Variants in SYNDIG1 observed in about 807,000 individuals in gnomAD.
SYNDIG1 encodes the protein synapse differentiation-inducing gene protein 1.
SYNDIG1 carries 9 observed loss-of-function variants against 19.4 expected under a neutral mutation model. The observed-to-expected ratio is 0.46, with a 90% CI of 0.28 to 0.81. The LOEUF is 0.81. Ranked by LOEUF, SYNDIG1 falls within the 30% of genes least tolerant of loss-of-function variation. The pLI is 0.12. For synonymous variants in SYNDIG1, 141 were observed against 145.9 expected (o/e 0.97, Z 0.24); for missense variants, 311 against 343.3 (o/e 0.91, Z 0.74).
intron 2 of SYNDIG1, among the ~76,000 whole-genome samples, chr20:24,567,637 C>T (rs181842747): frequency 2.6e-5 from 4 of 152,340 alleles, no homozygotes; most frequent in East Asian, 3.9e-4. Flanking sequence ...TTCCAAGCAC[C>T]GCTCCTCTAA....
At chr20:24,631,689 G>C (rs545473030) in intron 3 of SYNDIG1, among the ~76,000 whole-genome samples, 1 of 152,068 alleles carries the variant, frequency 6.6e-6, no homozygotes, top group Admixed American at 6.5e-5. Flanking sequence ...CAAACATATC[G>C]GAAAAATTTC....
chr20:24,653,476 CAGG>C (rs942436868), intron 3 of SYNDIG1, among the ~76,000 whole-genome samples: 7 of 152,160 alleles, frequency 4.6e-5, no homozygotes, highest in African/African-American at 1.7e-4. Flanking sequence ...TTAATCCCAG[CAGG>C]AGACCAGTCA....
chr20:24,595,340 C>G (rs998153385), intron 3 of SYNDIG1, among the ~76,000 whole-genome samples: 2 of 152,174 alleles, frequency 1.3e-5, no homozygotes, highest in Non-Finnish European at 2.9e-5. Flanking sequence ...TTGAACCAAC[C>G]TTGCATCCCA....
intron 2 of SYNDIG1, among the ~76,000 whole-genome samples, chr20:24,565,442 G>T (rs1053035847): frequency 6.6e-6 from 1 of 152,202 alleles, no homozygotes; most frequent in Non-Finnish European, 1.5e-5. Context: ...GGGACAGGAT[G>T]GGGGACGGGG....
chr20:24,474,926 C>T (rs938237122), intron 1 of SYNDIG1, among the ~76,000 whole-genome samples: 3 of 152,172 alleles, frequency 2.0e-5, no homozygotes, highest in African/African-American at 7.2e-5. Flanking sequence ...ATAATTAGAA[C>T]CACAAAAGTT....
chr20:24,620,587 T>G (rs2059023208), intron 3 of SYNDIG1, among the ~76,000 whole-genome samples: 1 of 152,204 alleles, frequency 6.6e-6, no homozygotes, highest in Admixed American at 6.5e-5. Context: ...GATCCAACCT[T>G]CAAAGCTAGG....
intron 3 of SYNDIG1, among the ~76,000 whole-genome samples, chr20:24,612,672 C>T (rs987167419): frequency 1.8e-4 from 28 of 152,336 alleles, no homozygotes; most frequent in African/African-American, 6.7e-4. Context: ...CCCCCTCAGT[C>T]CTAGCATAGA....
At chr20:24,648,294 G>A (rs571744410) in intron 3 of SYNDIG1, among the ~76,000 whole-genome samples, 7 of 152,346 alleles carry the variant, frequency 4.6e-5, no homozygotes, top group Admixed American at 4.6e-4. Flanking sequence ...AAGACAGGAG[G>A]TTTGTGGAGG....
chr20:24,489,515 GCACA>G (rs375872249), intron 1 of SYNDIG1, among the ~76,000 whole-genome samples: 34 of 146,524 alleles, frequency 2.3e-4, no homozygotes, highest in Admixed American at 5.4e-4. Context: ...ACAGATACAT[GCACA>G]CACACGTACA....
At chr20:24,506,962 C>G (rs569572622) in intron 1 of SYNDIG1, among the ~76,000 whole-genome samples, 2 of 152,270 alleles carry the variant, frequency 1.3e-5, no homozygotes, top group East Asian at 3.9e-4. Context: ...GCAAGAGTGC[C>G]CAGGTATCTT....
intron 3 of SYNDIG1, among the ~76,000 whole-genome samples, chr20:24,619,372 A>G (rs1017523171): frequency 7.2e-5 from 11 of 152,200 alleles, no homozygotes; most frequent in African/African-American, 2.4e-4. Flanking sequence ...CCCACTGGTC[A>G]TTGTCATCAT....
intron 1 of SYNDIG1, among the ~76,000 whole-genome samples, chr20:24,527,240 C>T (rs949015823): frequency 1.3e-5 from 2 of 152,010 alleles, no homozygotes; most frequent in African/African-American, 4.8e-5. Context: ...GATCTGTCTT[C>T]TGGATTACAT....
intron 1 of SYNDIG1, among the ~76,000 whole-genome samples, chr20:24,486,727 C>T (rs532654860): frequency 1.2e-3 from 188 of 151,812 alleles, no homozygotes; most frequent in African/African-American, 4.3e-3. Context: ...GGTGCCATCT[C>T]GGTTCCCCGA....
chr20:24,517,573 C>T (rs1343129494), intron 1 of SYNDIG1, among the ~76,000 whole-genome samples: 15 of 145,230 alleles, frequency 1.0e-4, no homozygotes, highest in African/African-American at 3.3e-4. Flanking sequence ...GAGCCGAGAT[C>T]GCGCCACTGC....
chr20:24,657,438 C>T (rs1473321735), intron 3 of SYNDIG1, among the ~76,000 whole-genome samples: 2 of 152,174 alleles, frequency 1.3e-5, no homozygotes, highest in Admixed American at 6.5e-5. Flanking sequence ...GGATCGGCGC[C>T]AGCACCCAGG....
chr20:24,642,446 A>G (rs948555140), intron 3 of SYNDIG1, among the ~76,000 whole-genome samples: 1 of 152,160 alleles, frequency 6.6e-6, no homozygotes, highest in Non-Finnish European at 1.5e-5. Flanking sequence ...CGCACAGCCC[A>G]CACTCGAAGG....
At chr20:24,619,542 AG>A (rs1417507035) in intron 3 of SYNDIG1, among the ~76,000 whole-genome samples, 1 of 152,266 alleles carries the variant, frequency 6.6e-6, no homozygotes. Context: ...GATGATTCTC[AG>A]GGGAGCTGGT....
intron 3 of SYNDIG1, among the ~76,000 whole-genome samples, chr20:24,614,474 C>T (rs961963156): frequency 5.3e-5 from 8 of 152,132 alleles, no homozygotes; most frequent in African/African-American, 1.9e-4. Flanking sequence ...GAGCACTTTC[C>T]CCAAACCTCC....
intron 1 of SYNDIG1, among the ~76,000 whole-genome samples, chr20:24,507,648 A>AG (rs776291456): frequency 3.3e-4 from 50 of 152,162 alleles, no homozygotes; most frequent in Admixed American, 2.2e-3. Context: ...TGGCTGCTGA[A>AG]GGTCTGTGGG....
Sources: allele counts gnomAD v4.1 joint callset (sites outside exome capture counted in the v4.1 genomes callset), GRCh38; gene constraint gnomAD v4.1.1; transcripts MANE v1.5; gene names NCBI Gene and HGNC (gene_info 2026-07-23, HGNC 2026-07-21).